SNX7: variants seen among roughly 807,000 people sequenced by gnomAD.
SNX7 encodes the protein sorting nexin 7.
Under a neutral mutation model 48.4 loss-of-function variants are expected in SNX7, and 35 were observed. The ratio of observed to expected loss-of-function variants is 0.72; its 90% confidence interval spans 0.55 to 0.96. The LOEUF is 0.96. SNX7 is among the 40% of genes least tolerant of loss of function. The pLI is 0.00. For missense variants in SNX7, 553 were observed against 548.9 expected, an observed-to-expected ratio of 1.01 and a Z score of -0.07; for synonymous variants, 190 against 190.2, an observed-to-expected ratio of 1.00 and a Z score of 0.01.
chr1:98,682,813 A>G (rs1356966127), intron 1 of SNX7, among the ~76,000 whole-genome samples: 2 of 152,150 alleles, frequency 1.3e-5, no homozygotes, highest in Non-Finnish European at 2.9e-5. Flanking sequence ...AGGCCCTATC[A>G]ACTTTATGTC....
intron 7 of SNX7, among the ~76,000 whole-genome samples, chr1:98,704,678 C>T (rs1176035127): frequency 1.3e-5 from 2 of 152,132 alleles, no homozygotes; most frequent in Non-Finnish European, 2.9e-5. Context: ...TGGCAGAGAA[C>T]TGAATATAGC....
intron 6 of SNX7, among the ~76,000 whole-genome samples, chr1:98,701,448 T>C (rs1651743174): frequency 6.6e-6 from 1 of 152,156 alleles, no homozygotes; most frequent in Non-Finnish European, 1.5e-5. Flanking sequence ...AACTAGTTTA[T>C]GCCATAGTGT....
intron 7 of SNX7, among the ~76,000 whole-genome samples, chr1:98,737,284 A>C (rs191135606): frequency 6.6e-6 from 1 of 152,204 alleles, no homozygotes; most frequent in East Asian, 1.9e-4. Flanking sequence ...CACCTTATCT[A>C]AAATTGCAGC....
chr1:98,686,340 A>C (rs1011499005), intron 2 of SNX7, among the ~76,000 whole-genome samples: 6 of 152,172 alleles, frequency 3.9e-5, no homozygotes, highest in Non-Finnish European at 8.8e-5. Context: ...AATCAATGAA[A>C]CTGAGATAAT....
intron 8 of SNX7, among the ~76,000 whole-genome samples, chr1:98,752,602 G>A (rs1029991626): frequency 2.0e-5 from 3 of 151,960 alleles, no homozygotes; most frequent in Non-Finnish European, 4.4e-5. Flanking sequence ...CAAGATATCA[G>A]TTGGTTAGTG....
At chr1:98,668,668 A>G (rs1426699091) in intron 1 of SNX7, among the ~76,000 whole-genome samples, 4 of 152,240 alleles carry the variant, frequency 2.6e-5, no homozygotes, top group Non-Finnish European at 4.4e-5. Flanking sequence ...TGAAGAACAA[A>G]AAGTGATTTA....
chr1:98,681,423 T>C (rs1650483817), intron 1 of SNX7, among the ~76,000 whole-genome samples: 1 of 152,148 alleles, frequency 6.6e-6, no homozygotes, highest in South Asian at 2.1e-4. Flanking sequence ...CAAGACCTTA[T>C]CACTATAAGA....
intron 7 of SNX7, among the ~76,000 whole-genome samples, chr1:98,702,666 T>A (rs1163208075): frequency 1.3e-5 from 2 of 152,150 alleles, no homozygotes; most frequent in African/African-American, 4.8e-5. Context: ...GTAATTTGCC[T>A]AAGTTTATAT....
intron 7 of SNX7, among the ~76,000 whole-genome samples, chr1:98,718,458 A>G (rs1652699757): frequency 6.6e-6 from 1 of 152,068 alleles, no homozygotes; most frequent in Non-Finnish European, 1.5e-5. Context: ...ACTTCCCAAC[A>G]ACCACTACTC....
chr1:98,728,767 A>C (rs4298759), intron 7 of SNX7, among the ~76,000 whole-genome samples: 84,005 of 152,002 alleles, frequency 0.55, 24,248 homozygotes, highest in Non-Finnish European at 0.64. Context: ...CATATGCACC[A>C]AATACGGGAG....
intron 1 of SNX7, among the ~76,000 whole-genome samples, chr1:98,682,159 T>C (rs1387745542): frequency 6.6e-6 from 1 of 151,682 alleles, no homozygotes; most frequent in African/African-American, 2.4e-5. Flanking sequence ...CTGTTTCCTT[T>C]CCTCCTCTGC....
intron 2 of SNX7, among the ~76,000 whole-genome samples, 169 bp from the exon 3 acceptor site, chr1:98,690,906 A>G (rs1427918529): frequency 9.2e-5 from 14 of 152,100 alleles, no homozygotes. Context: ...CATCTGCTAC[A>G]TGAATAGATG....
At chr1:98,685,764 A>G (rs1650760294) in intron 2 of SNX7, among the ~76,000 whole-genome samples, 1 of 152,152 alleles carries the variant, frequency 6.6e-6, no homozygotes, top group Admixed American at 6.5e-5. Flanking sequence ...TTTAGCTGAA[A>G]AAGTTCTGAA....
At chr1:98,724,460 A>G (rs1653061946) in intron 7 of SNX7, among the ~76,000 whole-genome samples, 1 of 151,926 alleles carries the variant, frequency 6.6e-6, no homozygotes, top group Non-Finnish European at 1.5e-5. Context: ...TTATTTGTTA[A>G]TGAAGAAATA....
intron 2 of SNX7, among the ~76,000 whole-genome samples, chr1:98,689,387 C>T (rs1429758315): frequency 6.6e-6 from 1 of 152,152 alleles, no homozygotes; most frequent in Non-Finnish European, 1.5e-5. Flanking sequence ...ACATATTCTT[C>T]TCGTTGCTTG....
chr1:98,733,232 G>C (rs1046785415), intron 7 of SNX7, among the ~76,000 whole-genome samples: 1 of 152,028 alleles, frequency 6.6e-6, no homozygotes, highest in African/African-American at 2.4e-5. Flanking sequence ...CACACCCTAC[G>C]GTATTTGTTC....
At chr1:98,721,030 AT>A (rs889221020) in intron 7 of SNX7, among the ~76,000 whole-genome samples, 1 of 152,058 alleles carries the variant, frequency 6.6e-6, no homozygotes, top group Non-Finnish European at 1.5e-5. Flanking sequence ...TCAAATAAAT[AT>A]TTTTTAAGCA....
intron 4 of SNX7, among the ~76,000 whole-genome samples, chr1:98,695,087 A>G (rs1651377926): frequency 6.6e-6 from 1 of 152,218 alleles, no homozygotes; most frequent in South Asian, 2.1e-4. Flanking sequence ...ACATCTAAAG[A>G]ATTAATGAAG....
chr1:98,725,443 A>G (rs1177725159), intron 7 of SNX7, among the ~76,000 whole-genome samples: 4 of 152,324 alleles, frequency 2.6e-5, no homozygotes, highest in Non-Finnish European at 4.4e-5. Context: ...AAAGGAAGAA[A>G]AACATTTCAC....
Sources: allele counts gnomAD v4.1 joint callset (sites outside exome capture counted in the v4.1 genomes callset), GRCh38; gene constraint gnomAD v4.1.1; transcripts MANE v1.5; gene names NCBI Gene and HGNC (gene_info 2026-07-23, HGNC 2026-07-21).